RRBP1: variants seen among roughly 807,000 people sequenced by gnomAD.
RRBP1 encodes the protein ribosome-binding protein 1.
In RRBP1, 94 loss-of-function variants were observed where a neutral mutation model predicts 165.2. The ratio of observed to expected loss-of-function variants is 0.57; its 90% CI spans 0.48 to 0.68. The LOEUF is 0.68. Among genes scored for constraint, RRBP1 ranks in the 30% least tolerant of loss-of-function variants. The pLI is 0.00. For missense variants in RRBP1, 1,676 were observed against 1,763.0 expected (o/e 0.95, Z 0.88); for synonymous variants, 680 against 714.5 (o/e 0.95, Z 0.77).
chr20:17,658,558 C>A lies in RRBP1; in HGVS notation c.1912+38G>T, dbSNP rs201155184. The stretch of plus-strand genomic sequence containing the variant: ...GAATCCATAAGTCATTTAAAGACAG[C>A]CTTTCCTTCTAAGTTCATAAAGAAA... On this transcript the variant is annotated intron_variant, in intron 3 of 24. Transcript: ENST00000377813. 1,464 of 1,515,480 alleles carry A rather than the reference C, an allele frequency of 9.7e-4. 3 individuals are homozygous for A. The highest frequency in any genetic ancestry group is 1.2e-3 in the Non-Finnish European group (1,383 of 1,123,982). The allele number at this position is 1,515,480 out of a possible 1,614,324, so 93.9% of individuals were successfully genotyped here. A position where few individuals can be genotyped will look rare whatever the true frequency, so the allele number is the denominator to read the frequency against.
intron 3 of RRBP1, among the ~76,000 whole-genome samples, chr20:17,657,330 G>A (rs1025295184): frequency 3.3e-5 from 5 of 152,324 alleles, no homozygotes; most frequent in African/African-American, 4.8e-5. Flanking sequence ...CCTCTCACAC[G>A]GAGCAGGGGG....
rs1258023026 is a variant in RRBP1 at position 17,660,668 on chromosome 20, C to G, written c.-21-140G>C. 7 of 616,952 alleles carry G rather than the reference C, an allele frequency of 1.1e-5. No individual in the cohort carries two copies. The South Asian group carries it at 1.2e-4, about 11-fold the overall frequency. The allele number at this position is 616,952 out of a possible 1,614,324, so 38.2% of individuals were successfully genotyped here. A position where few individuals can be genotyped will look rare whatever the true frequency, so the allele number is the denominator to read the frequency against. Reference sequence around the variant, plus strand: ...TTCAGAGAAGAAACAAACCCAGGCACTCTCTGATGTCCCACATTCTCACCT... The same window carrying G: ...TTCAGAGAAGAAACAAACCCAGGCAGTCTCTGATGTCCCACATTCTCACCT... On this transcript the variant is annotated intron_variant, in intron 2 of 24. Coordinates refer to ENST00000377813, the MANE Select transcript of RRBP1 (RefSeq NM_001365613.2).
chr20:17,639,237 C>A (rs978480167), intron 5 of RRBP1, among the ~76,000 whole-genome samples: 2 of 152,212 alleles, frequency 1.3e-5, no homozygotes, highest in Non-Finnish European at 2.9e-5. Context: ...GGCGTCTGAG[C>A]CCATCAACTC....
At chr20:17,618,749 T>C (rs2035850680) in intron 19 of RRBP1, 70 bp from the exon 20 acceptor site, 2 of 1,225,048 alleles carry the variant, frequency 1.6e-6, no homozygotes, top group African/African-American at 1.5e-5. Context: ...CCCCGTGAGT[T>C]AGCGCCGAAA....
At chr20:17,620,622 A>C (rs1186887594) in intron 17 of RRBP1, 93 bp downstream of exon 17, 1 of 977,992 alleles carries the variant, frequency 1.0e-6, no homozygotes, top group Non-Finnish European at 1.6e-6. Context: ...ACCGAGACAC[A>C]CGAGTCTCAC....
At chr20:17,616,649 G>A (rs1227086179) in intron 21 of RRBP1, 83 bp downstream of exon 21, 12 of 893,466 alleles carry the variant, frequency 1.3e-5, no homozygotes, top group Middle Eastern at 2.4e-4. Flanking sequence ...CAGCCAGTGC[G>A]GGGTTTAGTC....
chr20:17,679,216 C>T (rs1381775110), intron 2 of RRBP1, among the ~76,000 whole-genome samples: 4 of 152,214 alleles, frequency 2.6e-5, no homozygotes, highest in Non-Finnish European at 5.9e-5. Flanking sequence ...GTTGTGGAAT[C>T]TGATTCTAAA....
At position 17,614,234 on chromosome 20, in the gene RRBP1, C is replaced by T; in HGVS notation, c.4195-14G>A. 2 of 1,612,688 alleles carry T rather than the reference C, an allele frequency of 1.2e-6. No individual in the cohort carries two copies. Among genetic ancestry groups the T allele is most frequent in the Non-Finnish European group, 1.7e-6 (2 of 1,179,912 alleles). Reference sequence around the variant, plus strand: ...GCTGCCGTCCTCCTGTGAACGAAGGCAGGTGGCGTGAGGGGGGCTGGGCCA... The same window carrying T: ...GCTGCCGTCCTCCTGTGAACGAAGGTAGGTGGCGTGAGGGGGGCTGGGCCA... On this transcript the variant is annotated splice_polypyrimidine_tract_variant and intron_variant, in intron 24 of 24. Transcript: ENST00000377813.
intron 2 of RRBP1, among the ~76,000 whole-genome samples, chr20:17,665,361 T>C (rs889069207): frequency 3.3e-5 from 5 of 152,198 alleles, no homozygotes; most frequent in Admixed American, 3.3e-4. Flanking sequence ...TAGATACACA[T>C]AGCTTTGGTT....
At chr20:17,654,145 T>C (rs1056297087) in intron 3 of RRBP1, among the ~76,000 whole-genome samples, 8 of 152,102 alleles carry the variant, frequency 5.3e-5, no homozygotes, top group Non-Finnish European at 8.8e-5. Context: ...CCACGTAACA[T>C]AGACTCGACC....
chr20:17,618,213 C>T (rs1047306112), intron 20 of RRBP1, among the ~76,000 whole-genome samples: 1 of 152,242 alleles, frequency 6.6e-6, no homozygotes, highest in Non-Finnish European at 1.5e-5. Flanking sequence ...CGATGGGTGG[C>T]CAGGCCAGGA....
chr20:17,652,858 C>T (rs905624399), intron 3 of RRBP1, among the ~76,000 whole-genome samples: 1 of 152,226 alleles, frequency 6.6e-6, no homozygotes, highest in Non-Finnish European at 1.5e-5. Context: ...AAGTGGAAAT[C>T]CAAATAATTC....
At chr20:17,641,753 G>GGACGGGAGA in intron 5 of RRBP1, 44 bp downstream of exon 5, 1 of 1,606,790 alleles carries the variant, frequency 6.2e-7, no homozygotes, top group East Asian at 2.2e-5. Context: ...GGTCCTCTGA[G>GGACGGGAGA]GACGGGAGAG....
chr20:17,627,537 C>T lies in RRBP1; in HGVS notation c.2895G>A (p.Glu965=). The change falls in exon 10 of 25, where the codon GAG becomes GAA. Residue 965 remains glutamate, a synonymous_variant. Coordinates refer to ENST00000377813, the MANE Select transcript of RRBP1 (RefSeq NM_001365613.2). ...CCTGGGCATCCCGCGCCTGGCCCGC[C>T]TCCAGCAGGGCCTCAATGGAACGGA... ...ERIRSIEALL[E]AGQARDAQDV... is the part of the protein sequence containing the mutation. 6.2e-7 allele frequency: 1 copy of T among 1,612,760 alleles called. No individual in the cohort carries two copies. Among genetic ancestry groups the T allele is most frequent in the Non-Finnish European group, 8.5e-7 (1 of 1,179,494 alleles).
In RRBP1 at chr20:17,641,800, G is replaced by T; in HGVS notation, c.2181C>A (p.Asn727Lys). The change falls in exon 5 of 25, where the codon AAC becomes AAA. Residue 727 changes from asparagine to lysine, a missense_variant. Around this residue, in one of 5 missense-constraint regions of RRBP1, gnomAD observed 1,184 missense variants for 1,167.1 expected, o/e 1.01. Transcript: ENST00000377813. ...TCCGAGCCCACTCAGGCTGTACCTT[G>T]TTGAGCTCCCTCAGTTTGCTCTTGG... ...AVAKSKLREL[N>K]KEMAAEKAKA... The T allele has an allele frequency of 6.2e-7, 1 of 1,612,958 alleles. No homozygotes were observed. The highest frequency in any genetic ancestry group is 1.1e-5 in the South Asian group (1 of 91,046).
At chr20:17,628,326 A>G (rs1299289453) in intron 9 of RRBP1, among the ~76,000 whole-genome samples, 1 of 151,434 alleles carries the variant, frequency 6.6e-6, no homozygotes, top group Non-Finnish European at 1.5e-5. Flanking sequence ...ACCTCCCAGG[A>G]CTCCTCATCT....
intron 9 of RRBP1, among the ~76,000 whole-genome samples, chr20:17,628,537 C>T (rs569441995): frequency 1.3e-5 from 2 of 152,334 alleles, no homozygotes; most frequent in East Asian, 3.9e-4. Flanking sequence ...TCCAGAAGCG[C>T]ACATGAGACG....
chr20:17,633,331 T>A, intron 8 of RRBP1, 129 bp downstream of exon 8: 1 of 981,598 alleles, frequency 1.0e-6, no homozygotes, highest in Non-Finnish European at 1.5e-6. Flanking sequence ...GCAGACACCA[T>A]CATCTGTCCC....
In RRBP1 at chr20:17,615,975, A is replaced by G. The variant is rs965352093; in HGVS notation, c.3902T>C (p.Leu1301Pro). ...CTGCCGCTGTGTCTGCTCATCCTCC[A>G]GGATGGCTTCTGTCCACTCCAGCTG... ...KTQLEWTEAI[L>P]EDEQTQRQKL... Residue 1301 changes from leucine (L) to proline (P), a missense_variant, in exon 22 of 25, where the codon CTG (leucine) becomes CCG (proline). Leu to Pro is a moderately conservative substitution (Grantham distance 98). Transcript: ENST00000377813. The G allele has an allele frequency of 6.2e-7, 1 of 1,609,076 alleles. No homozygotes were observed. Among genetic ancestry groups the G allele is most frequent in the Non-Finnish European group, 8.5e-7 (1 of 1,179,914 alleles).
Sources: allele counts gnomAD v4.1 joint callset (sites outside exome capture counted in the v4.1 genomes callset), GRCh38; gene constraint gnomAD v4.1.1; regional missense constraint gnomAD v4.1.1; transcripts MANE v1.5; gene names NCBI Gene and HGNC (gene_info 2026-07-23, HGNC 2026-07-21).